PDE4D: variants seen among roughly 807,000 people sequenced by gnomAD.
PDE4D encodes the protein phosphodiesterase 4D.
In PDE4D, 24 loss-of-function variants were observed where a neutral mutation model predicts 87.4. The observed-to-expected ratio is 0.27, with a 90% CI of 0.20 to 0.39. PDE4D has a LOEUF of 0.39. PDE4D is among the 10% of genes least tolerant of loss of function. The pLI is 1.00. For synonymous variants in PDE4D, 384 were observed against 383.2 expected (o/e 1.00, Z -0.02); for missense variants, 714 against 1,041.0 (o/e 0.69, Z 4.32).
At chr5:60,246,790 T>C (rs1042828115) in intron 1 of PDE4D, among the ~76,000 whole-genome samples, 1 of 151,964 alleles carries the variant, frequency 6.6e-6, no homozygotes, top group Non-Finnish European at 1.5e-5. Flanking sequence ...TTTGTTCTTA[T>C]GTTTTATAGT....
intron 1 of PDE4D, among the ~76,000 whole-genome samples, chr5:59,331,442 G>A (rs946940809): frequency 6.6e-6 from 1 of 152,002 alleles, no homozygotes; most frequent in Non-Finnish European, 1.5e-5. Flanking sequence ...TGTTGGATTC[G>A]GGTCTACCCT....
At chr5:59,454,065 G>C (rs1289084669) in intron 1 of PDE4D, among the ~76,000 whole-genome samples, 1 of 152,174 alleles carries the variant, frequency 6.6e-6, no homozygotes, top group Non-Finnish European at 1.5e-5. Context: ...GCCTGTGCTT[G>C]TGCCTGAAAC....
chr5:59,043,439 C>T (rs932040099), intron 5 of PDE4D, among the ~76,000 whole-genome samples: 4 of 152,184 alleles, frequency 2.6e-5, no homozygotes, highest in South Asian at 2.1e-4. Context: ...AGGAGAATGG[C>T]GTGAACCCGG....
At chr5:59,463,257 A>G (rs1801049325) in intron 1 of PDE4D, among the ~76,000 whole-genome samples, 3 of 152,216 alleles carry the variant, frequency 2.0e-5, no homozygotes, top group African/African-American at 7.2e-5. Context: ...AGGACACACC[A>G]TATGGAAATT....
At chr5:60,477,131 A>G (rs1309559187) in intron 1 of PDE4D, among the ~76,000 whole-genome samples, 1 of 152,178 alleles carries the variant, frequency 6.6e-6, no homozygotes, top group Non-Finnish European at 1.5e-5. Flanking sequence ...GGAGTTAAGG[A>G]GAGAGGAAAT....
intron 1 of PDE4D, among the ~76,000 whole-genome samples, chr5:59,520,373 C>T (rs1188659540): frequency 6.6e-6 from 1 of 152,138 alleles, no homozygotes; most frequent in Non-Finnish European, 1.5e-5. Flanking sequence ...CATCTGTAAA[C>T]CTTACTGACC....
chr5:60,017,092 T>C (rs745307344), intron 2 of PDE4D, among the ~76,000 whole-genome samples: 1 of 152,224 alleles, frequency 6.6e-6, no homozygotes, highest in Non-Finnish European at 1.5e-5. Flanking sequence ...TCTTCTTGTA[T>C]ACCTTCATCA....
At chr5:59,756,710 T>C (rs1392952764) in intron 1 of PDE4D, among the ~76,000 whole-genome samples, 4 of 151,922 alleles carry the variant, frequency 2.6e-5, no homozygotes, top group Non-Finnish European at 5.9e-5. Context: ...GGTATGTTTC[T>C]CAATCGATCA....
rs536745601 is a variant in PDE4D, at chr5:59,656,461, C to T, written c.455+236707G>A. ...AGTGGAGTCAAGATATGCTTTCAAT[C>T]TTATTAGAAACCATCTGTTAAGTCC... On this transcript the variant is annotated intron_variant, in intron 1 of 14. Coordinates refer to ENST00000340635, the MANE Select transcript of PDE4D (RefSeq NM_001104631.2). Among the ~76,000 whole-genome samples, 4 of 152,318 alleles carry T rather than the reference C, an allele frequency of 2.6e-5. No individual in the cohort carries two copies. The South Asian group carries it at 8.3e-4, about 32-fold the overall frequency.
At chr5:59,720,888 A>C (rs1314090541) in intron 1 of PDE4D, among the ~76,000 whole-genome samples, 1 of 152,122 alleles carries the variant, frequency 6.6e-6, no homozygotes, top group African/African-American at 2.4e-5. Context: ...TCTAAGATAG[A>C]ATTTCCATTA....
chr5:59,217,713 T>C (rs1327707252), intron 1 of PDE4D, among the ~76,000 whole-genome samples: 1 of 152,184 alleles, frequency 6.6e-6, no homozygotes, highest in East Asian at 1.9e-4. Flanking sequence ...CGATTGTTCC[T>C]AAAGTCCTTC....
chr5:59,623,332 T>C (rs955444564), intron 1 of PDE4D, among the ~76,000 whole-genome samples: 3 of 152,172 alleles, frequency 2.0e-5, no homozygotes, highest in Non-Finnish European at 4.4e-5. Context: ...AACTACATCT[T>C]ACACCTAGGC....
chr5:60,242,207 C>T (rs963635702), intron 1 of PDE4D, among the ~76,000 whole-genome samples: 2 of 151,850 alleles, frequency 1.3e-5, no homozygotes, highest in African/African-American at 2.4e-5. Context: ...TAGACTTCAA[C>T]ACAAAAACTG....
At chr5:60,200,935 A>AT (rs1741828708) in intron 1 of PDE4D, among the ~76,000 whole-genome samples, 1 of 152,168 alleles carries the variant, frequency 6.6e-6, no homozygotes, top group Non-Finnish European at 1.5e-5. Context: ...CTGAATCCTG[A>AT]TTTTTAAGAT....
At chr5:59,834,067 G>C (rs1372931190) in intron 1 of PDE4D, among the ~76,000 whole-genome samples, 1 of 151,962 alleles carries the variant, frequency 6.6e-6, no homozygotes, top group African/African-American at 2.4e-5. Flanking sequence ...AGAATTAAAG[G>C]CTCATAATAC....
chr5:59,292,774 A>T (rs1215719756), intron 1 of PDE4D, among the ~76,000 whole-genome samples: 2 of 152,074 alleles, frequency 1.3e-5, no homozygotes, highest in Non-Finnish European at 2.9e-5. Context: ...TAGCCCCATG[A>T]GACGCTCATA....
Position 59,457,768 on chromosome 5 carries a change from G to A in PDE4D, c.456-241800C>T, listed in dbSNP as rs549623974. ...AAAATGGCTGGGCATGGTGGTGGGCGCTTGTAATCCCAGCTACTTTGGGAG... is the reference window on the plus strand; with the variant it reads ...AAAATGGCTGGGCATGGTGGTGGGCACTTGTAATCCCAGCTACTTTGGGAG... On this transcript the variant is annotated intron_variant, in intron 1 of 14. Transcript: ENST00000340635. Among the ~76,000 whole-genome samples the A allele has an allele frequency of 1.4e-4, 21 of 152,112 alleles. 1 individual carries two copies. The highest frequency in any genetic ancestry group is 3.4e-3 in the Middle Eastern group (1 of 294).
At chr5:59,814,901 T>C (rs1768802295) in intron 1 of PDE4D, among the ~76,000 whole-genome samples, 1 of 152,136 alleles carries the variant, frequency 6.6e-6, no homozygotes, top group Non-Finnish European at 1.5e-5. Context: ...ATAATAATAT[T>C]GAAGAAGTGC....
At chr5:59,446,166 T>A (rs1364414125) in intron 1 of PDE4D, among the ~76,000 whole-genome samples, 15 of 152,146 alleles carry the variant, frequency 9.9e-5, no homozygotes, top group Admixed American at 9.8e-4. Flanking sequence ...ACATATACAA[T>A]CTTTTATGTA....
Sources: allele counts gnomAD v4.1 joint callset (sites outside exome capture counted in the v4.1 genomes callset), GRCh38; gene constraint gnomAD v4.1.1; transcripts MANE v1.5; gene names NCBI Gene and HGNC (gene_info 2026-07-23, HGNC 2026-07-21).